Variants in CNOT9 observed in about 807,000 individuals in gnomAD.
The protein encoded by CNOT9 is CCR4-NOT transcription complex subunit 9, also known as RCD1 required for cell differentiation1 homolog.
Under a neutral mutation model 37.4 loss-of-function variants are expected in CNOT9, and 8 were observed. The ratio of observed to expected loss-of-function variants is 0.21; its 90% confidence interval spans 0.13 to 0.39. The LOEUF (loss-of-function observed/expected upper bound fraction) is 0.39. Ranked by LOEUF, CNOT9 falls within the 10% of genes least tolerant of loss-of-function variation. The pLI is 1.00. For synonymous variants in CNOT9, 120 were observed against 137.6 expected (o/e 0.87, Z 0.90); for missense variants, 154 against 365.3 (o/e 0.42, Z 4.71).
chr2:218,592,458 C>T lies in CNOT9; in HGVS notation c.639+56C>T. The T allele has an allele frequency of 1.3e-6, 2 of 1,521,962 alleles. No homozygotes were observed. The highest frequency in any genetic ancestry group is 2.2e-5 in the South Asian group (2 of 89,150). The allele number at this position is 1,521,962 out of a possible 1,614,324, so 94.3% of individuals were successfully genotyped here. On this transcript the variant is annotated intron_variant, in intron 6 of 7. Coordinates refer to ENST00000273064, the MANE Select transcript of CNOT9 (RefSeq NM_005444.3). This position sits in a 1 kb window ranked among gnomAD's most constrained non-coding sequence, Gnocchi z 4.1. The stretch of plus-strand genomic sequence containing the variant: ...TACTTCTCATCACAAAGCTTAATCT[C>T]TTTATAACTGGCATTGAACAACTTC...
chr2:218,586,384 C>T (rs566000269), intron 4 of CNOT9, among the ~76,000 whole-genome samples: 1 of 152,216 alleles, frequency 6.6e-6, no homozygotes, highest in African/African-American at 2.4e-5. Context: ...CTCCCTCATT[C>T]GCTCTCTGCC....
chr2:218,593,722 T>G, intron 7 of CNOT9: 24 of 1,234,012 alleles, frequency 1.9e-5, no homozygotes, highest in Non-Finnish European at 2.5e-5. Context: ...CATTAAGTTA[T>G]CATAAGTTTG....
chr2:218,579,525 C>T (rs980896812), intron 1 of CNOT9, among the ~76,000 whole-genome samples: 1 of 152,192 alleles, frequency 6.6e-6, no homozygotes, highest in Non-Finnish European at 1.5e-5. Flanking sequence ...CTCACACTGT[C>T]ACCCAGGCTG....
At chr2:218,583,112 G>A in intron 3 of CNOT9, 26 bp downstream of exon 3, 1 of 1,431,298 alleles carries the variant, frequency 7.0e-7, no homozygotes, top group South Asian at 1.2e-5. Flanking sequence ...GAGTCACTTG[G>A]GGGAGATATA....
intron 5 of CNOT9, 75 bp downstream of exon 5, chr2:218,587,770 T>C (rs1694639744): frequency 1.3e-5 from 8 of 637,628 alleles, no homozygotes; most frequent in Non-Finnish European, 2.0e-5. Context: ...GATCATTTTC[T>C]CTCTTCAAGC....
Position 218,595,404 on chromosome 2 carries a change from C to CTTTTTTTTTTT in CNOT9, c.*1146_*1156dup, listed in dbSNP as rs57839540. 80 of 50,928 alleles carry CTTTTTTTTTTT rather than the reference C, an allele frequency of 1.6e-3. 13 individuals are homozygous for CTTTTTTTTTTT. Among genetic ancestry groups the CTTTTTTTTTTT allele is most frequent in the African/African-American group, 3.5e-3 (56 of 16,118 alleles). The allele number at this position is 50,928 out of a possible 1,614,324, so 3.2% of individuals were successfully genotyped here. ...GAGGGCTGGGTTCTGCTCACTCAGT[C>CTTTTTTTTTTT]TTTTTTTTTTTTTTTTTTTTTTTTT... On this transcript the variant is annotated 3_prime_UTR_variant, in exon 8 of 8. Transcript: ENST00000273064.
intron 1 of CNOT9, 59 bp from the exon 2 acceptor site, chr2:218,580,501 AG>A (rs1694338965): frequency 7.1e-7 from 1 of 1,402,368 alleles, no homozygotes; most frequent in African/African-American, 1.4e-5. Context: ...ACTCTGTTGC[AG>A]GGTAAGACTT....
chr2:218,596,209 C>A lies in CNOT9; in HGVS notation c.*1933C>A, dbSNP rs192760106. The A allele has an allele frequency of 1.3e-5, 2 of 152,126 alleles. No individual in the cohort carries two copies. The highest frequency in any genetic ancestry group is 3.9e-4 in the East Asian group (2 of 5,188). The allele number at this position is 152,126 out of a possible 1,614,324, so 9.4% of individuals were successfully genotyped here. On this transcript the variant is annotated 3_prime_UTR_variant, in exon 8 of 8. Coordinates refer to ENST00000273064, the MANE Select transcript of CNOT9 (RefSeq NM_005444.3). ...TTCTCTCCATCTTTCGGTGCATTGG[C>A]CATGTTACTGTGCCAAAGTGTCTTA...
rs556444861 is a variant in CNOT9, at chr2:218,592,737, A to G, written c.731+30A>G. On this transcript the variant is annotated intron_variant, in intron 7 of 7. Transcript: ENST00000273064. The surrounding 1 kb of genome is among the most constrained non-coding windows in gnomAD (Gnocchi z 4.1). ...ACATTTATAGGATGTATAGGACTTT[A>G]GGGAAATACTCTGCTGAACAGTTTC... 2 of 1,551,682 alleles carry G rather than the reference A, an allele frequency of 1.3e-6. No individual in the cohort carries two copies. The highest frequency in any genetic ancestry group is 3.3e-5 in the Admixed American group (2 of 59,922).
chr2:218,570,774 T>C (rs1693962455), intron 1 of CNOT9, among the ~76,000 whole-genome samples: 1 of 152,226 alleles, frequency 6.6e-6, no homozygotes, highest in African/African-American at 2.4e-5. Flanking sequence ...AATGCATCTT[T>C]TAAACAACCA....
At chr2:218,583,732 G>GA (rs1694494672) in intron 3 of CNOT9, among the ~76,000 whole-genome samples, 1 of 152,136 alleles carries the variant, frequency 6.6e-6, no homozygotes, top group African/African-American at 2.4e-5. Context: ...GGTTGGCACT[G>GA]ACCTTACACA....
In CNOT9 at chr2:218,596,145, G is replaced by A. The variant is rs1238640151; in HGVS notation, c.*1869G>A. 6.6e-6 allele frequency: 1 copy of A among 152,242 alleles called. No homozygotes were observed. Among genetic ancestry groups the A allele is most frequent in the Non-Finnish European group, 1.5e-5 (1 of 68,084 alleles). 9.4% of individuals were successfully genotyped at this position (152,242 alleles called of 1,614,324 possible). On this transcript the variant is annotated 3_prime_UTR_variant, in exon 8 of 8. Transcript: ENST00000273064. Reference sequence around the variant, plus strand: ...TTCTCATTACCCCTCCACTGGGGAAGCAGCTGAGGCCCAGGGCCTTGCTCC... The same window carrying A: ...TTCTCATTACCCCTCCACTGGGGAAACAGCTGAGGCCCAGGGCCTTGCTCC...
intron 1 of CNOT9, among the ~76,000 whole-genome samples, chr2:218,576,156 A>G (rs951178024): frequency 6.6e-6 from 1 of 152,292 alleles, no homozygotes; most frequent in Admixed American, 6.5e-5. Context: ...AAAAGATGTC[A>G]ATTACAGATT....
chr2:218,587,739 G>A (rs1260123431), intron 5 of CNOT9, 44 bp downstream of exon 5: 1 of 1,050,810 alleles, frequency 9.5e-7, no homozygotes, highest in Non-Finnish European at 1.4e-6. Context: ...TGACTCTTAA[G>A]CTGCTTCCTT....
Position 218,568,988 on chromosome 2 carries a change from T to A in CNOT9, c.24+10T>A, listed in dbSNP as rs1157568862. ...CCTGGCGACGGCTGCGGTGAGTGGCTGGGCCCCCAGGCTTGGAACCAGAAT... is the reference window on the plus strand; with the variant it reads ...CCTGGCGACGGCTGCGGTGAGTGGCAGGGCCCCCAGGCTTGGAACCAGAAT... On this transcript the variant is annotated intron_variant, in intron 1 of 7. Coordinates refer to ENST00000273064, the MANE Select transcript of CNOT9 (RefSeq NM_005444.3). 3 of 1,611,388 alleles carry A rather than the reference T, an allele frequency of 1.9e-6. No homozygotes were observed. In the African/African-American group the frequency reaches 4.0e-5, roughly 22 times the overall value.
intron 1 of CNOT9, chr2:218,573,900 T>G (rs1694079957): frequency 3.4e-6 from 1 of 298,032 alleles, no homozygotes; most frequent in Non-Finnish European, 6.8e-6. Flanking sequence ...AGTTACCACC[T>G]AAATTTTGAT....
Position 218,594,120 on chromosome 2 carries a change from A to G in CNOT9, c.744A>G (p.Ala248=), listed in dbSNP as rs140326493. Residue 248 remains alanine (A), a synonymous_variant, in exon 8 of 8, where the codon GCA becomes GCG. Coordinates refer to ENST00000273064, the MANE Select transcript of CNOT9 (RefSeq NM_005444.3). ...RLSDNPRARE[A]LRQCLPDQLK... ...GTTTCTGATGTAGGGCACGTGAAGC[A>G]CTCAGACAGTGCCTCCCTGACCAGC... The G allele has an allele frequency of 1.4e-3, 2,251 of 1,614,172 alleles. 1 individual carries two copies. The highest frequency in any genetic ancestry group is 1.8e-3 in the Non-Finnish European group (2,067 of 1,180,014).
chr2:218,583,189 A>AGAG (rs1491129152), intron 3 of CNOT9, 103 bp downstream of exon 3: 2 of 612,582 alleles, frequency 3.3e-6, no homozygotes, highest in Admixed American at 2.5e-5. Context: ...GAGAGAGAGA[A>AGAG]CGTTTGTGTG....
At chr2:218,575,922 T>C (rs1422136885) in intron 1 of CNOT9, among the ~76,000 whole-genome samples, 1 of 151,992 alleles carries the variant, frequency 6.6e-6, no homozygotes, top group African/African-American at 2.4e-5. Flanking sequence ...ATTCAAAGAG[T>C]TGTAGCATCT....
Sources: gnomAD v4.1 joint callset for allele counts (sites outside exome capture counted in the v4.1 genomes callset) on GRCh38, gnomAD v4.1.1 for gene constraint, Gnocchi (gnomAD v3.1) non-coding constraint, MANE v1.5 for transcripts, NCBI Gene and HGNC (gene_info 2026-07-23, HGNC 2026-07-21) for gene names.